SLC5A4: variants seen among roughly 807,000 people sequenced by gnomAD.
The protein encoded by SLC5A4 is probable glucose sensor protein SLC5A4.
Under a neutral mutation model 70.3 loss-of-function variants are expected in SLC5A4, and 55 were observed. That is an observed-to-expected ratio of 0.78 (90% CI 0.63 to 0.98). The LOEUF (loss-of-function observed/expected upper bound fraction) is 0.98. Ranked by LOEUF, SLC5A4 falls within the 50% of genes least tolerant of loss-of-function variation. The probability of loss-of-function intolerance (pLI) is 0.00; values close to 1 mark genes in which losing one functional copy is unlikely to be tolerated. For synonymous variants in SLC5A4, 268 were observed against 305.7 expected, an observed-to-expected ratio of 0.88 and a Z score of 1.29; for missense variants, 735 against 839.2, an observed-to-expected ratio of 0.88 and a Z score of 1.53.
chr22:32,229,428 T>A, intron 10 of SLC5A4, 84 bp from the exon 11 acceptor site: 1 of 1,432,468 alleles, frequency 7.0e-7, no homozygotes, highest in Non-Finnish European at 9.6e-7. Context: ...GTTAAAAGTA[T>A]CATCTGGAAC....
the SLC5A4 span, among the ~76,000 whole-genome samples, chr22:32,288,598 C>T: frequency 1.3e-5 from 2 of 152,102 alleles, no homozygotes; most frequent in African/African-American, 2.4e-5. Flanking sequence ...TATTGTTCCC[C>T]AGGCTGAAGT....
the SLC5A4 span, among the ~76,000 whole-genome samples, chr22:32,334,972 G>A: frequency 1.3e-4 from 20 of 152,332 alleles, no homozygotes; most frequent in African/African-American, 4.8e-4. Flanking sequence ...AGGGACCGTG[G>A]AGGCTCAGAG....
the SLC5A4 span, among the ~76,000 whole-genome samples, chr22:32,323,001 C>G: frequency 5.3e-5 from 8 of 152,130 alleles, no homozygotes; most frequent in Non-Finnish European, 1.0e-4. Flanking sequence ...TTCAGGAATG[C>G]AATTGTAACA....
intron 11 of SLC5A4, among the ~76,000 whole-genome samples, chr22:32,228,058 A>G (rs1368418437): frequency 6.6e-6 from 1 of 152,210 alleles, no homozygotes; most frequent in Non-Finnish European, 1.5e-5. Flanking sequence ...ATCACAAGTC[A>G]CAGTGGTTAG....
At chr22:32,300,134 T>G in the SLC5A4 span, among the ~76,000 whole-genome samples, 1 of 152,126 alleles carries the variant, frequency 6.6e-6, no homozygotes, top group Admixed American at 6.5e-5. Flanking sequence ...CCACCAGAGG[T>G]GGAGCCTACA....
the SLC5A4 span, among the ~76,000 whole-genome samples, chr22:32,300,648 C>A: frequency 1.4e-4 from 21 of 152,230 alleles, no homozygotes; most frequent in East Asian, 3.9e-3. Context: ...GAGCTGTAGA[C>A]CGGAGCTGTT....
At position 32,218,639 on chromosome 22, in the gene SLC5A4, C is replaced by A; in HGVS notation, c.1855G>T (p.Glu619Ter). 6.2e-7 allele frequency: 1 copy of A among 1,613,970 alleles called. No homozygotes were observed. Among genetic ancestry groups the A allele is most frequent in the South Asian group, 1.1e-5 (1 of 91,074 alleles). ...AGCTTCTTGCTCAAGGCTTCCTCCTCCTCCTTGGTTAGCTTGGGTCCCTTC... is the reference window on the plus strand; with the variant it reads ...AGCTTCTTGCTCAAGGCTTCCTCCTACTCCTTGGTTAGCTTGGGTCCCTTC... The part of the protein sequence containing the change: ...LQKGPKLTKE[E>*]EEALSKKLTD... The change falls in exon 15 of 15, where the codon GAG becomes TAG. Residue 619 changes from glutamate (E) to a stop codon, truncating the protein, a stop_gained. Coordinates refer to ENST00000266086, the MANE Select transcript of SLC5A4 (RefSeq NM_014227.3). LOFTEE classifies it low-confidence loss of function (END_TRUNC).
At chr22:32,333,678 C>CTGG in the SLC5A4 span, among the ~76,000 whole-genome samples, 2 of 152,050 alleles carry the variant, frequency 1.3e-5, no homozygotes, top group African/African-American at 4.8e-5. Context: ...GCCCCTGATG[C>CTGG]TGGGGCTGCT....
At chr22:32,271,778 G>A in the SLC5A4 span, 1 of 592,238 alleles carries the variant, frequency 1.7e-6, no homozygotes, top group Admixed American at 2.2e-5. Context: ...CAACAGACAG[G>A]GCAAACTGAG....
At chr22:32,286,918 T>C in the SLC5A4 span, among the ~76,000 whole-genome samples, 3 of 152,104 alleles carry the variant, frequency 2.0e-5, no homozygotes, top group Admixed American at 6.6e-5. Flanking sequence ...GACAACACCA[T>C]TGAGCAACAA....
chr22:32,311,473 T>C, the SLC5A4 span, among the ~76,000 whole-genome samples: 4 of 152,232 alleles, frequency 2.6e-5, no homozygotes, highest in African/African-American at 9.6e-5. Flanking sequence ...ATTTAGGTGA[T>C]GCCATCCATC....
chr22:32,304,872 G>A, the SLC5A4 span, among the ~76,000 whole-genome samples: 482 of 149,338 alleles, frequency 3.2e-3, 3 homozygotes, highest in African/African-American at 0.011. Context: ...TTTTCACTTA[G>A]GTCTATGATC....
Position 32,224,355 on chromosome 22 carries a change from T to C in SLC5A4, c.1577A>G (p.Tyr526Cys), listed in dbSNP as rs757202838. 1.9e-6 allele frequency: 3 copies of C among 1,613,976 alleles called. No individual in the cohort carries two copies. Among genetic ancestry groups the C allele is most frequent in the South Asian group, 2.2e-5 (2 of 91,080 alleles). The stretch of plus-strand genomic sequence containing the variant: ...AAAGAGAACGATGGAAAAGTACAGA[T>C]AGTGCACTCCACAGATAATCTTGGG... Reference protein sequence around the residue: ...NCPKIICGVHYLYFSIVLFFG... With the variant: ...NCPKIICGVHCLYFSIVLFFG... The change falls in exon 13 of 15, where the codon TAT (tyrosine) becomes TGT (cysteine). Residue 526 changes from tyrosine (Y) to cysteine (C), a missense_variant. Physicochemically the swap from Tyr to Cys is radical, Grantham distance 194. Transcript: ENST00000266086.
the SLC5A4 span, among the ~76,000 whole-genome samples, chr22:32,268,735 G>A: frequency 6.6e-6 from 1 of 152,182 alleles, no homozygotes; most frequent in Non-Finnish European, 1.5e-5. Context: ...GAGATGACTA[G>A]AGATTTTGAA....
At chr22:32,223,789 T>C (rs536733791) in intron 13 of SLC5A4, among the ~76,000 whole-genome samples, 1 of 152,354 alleles carries the variant, frequency 6.6e-6, no homozygotes, top group South Asian at 2.1e-4. Flanking sequence ...AATTCACTGG[T>C]GCTTTGCACA....
chr22:32,272,418 C>G, the SLC5A4 span: 1 of 889,742 alleles, frequency 1.1e-6, no homozygotes. Flanking sequence ...CCTTCATGGT[C>G]GACAGGCAGC....
At chr22:32,246,808 G>T (rs545314492) in intron 5 of SLC5A4, among the ~76,000 whole-genome samples, 1 of 152,228 alleles carries the variant, frequency 6.6e-6, no homozygotes, top group South Asian at 2.1e-4. Flanking sequence ...GATTACAAGT[G>T]TGCGCCACTG....
chr22:32,226,985 C>T (rs1925439802), intron 11 of SLC5A4, among the ~76,000 whole-genome samples: 1 of 152,100 alleles, frequency 6.6e-6, no homozygotes, highest in South Asian at 2.1e-4. Flanking sequence ...AGGCTCTGCT[C>T]AGATGCCACC....
At chr22:32,281,228 G>A in the SLC5A4 span, among the ~76,000 whole-genome samples, 2 of 152,150 alleles carry the variant, frequency 1.3e-5, no homozygotes, top group Non-Finnish European at 2.9e-5. Context: ...CCAGCCACTC[G>A]GTTATTTTCT....
Sources: allele counts gnomAD v4.1 joint callset (sites outside exome capture counted in the v4.1 genomes callset), GRCh38; gene constraint gnomAD v4.1.1; transcripts MANE v1.5; gene names NCBI Gene and HGNC (gene_info 2026-07-23, HGNC 2026-07-21).